Variants in FASN observed in about 807,000 individuals in gnomAD.
The protein encoded by FASN is 3-hydroxyacyl-[acyl-carrier-protein] dehydratase.
FASN carries 50 observed loss-of-function variants against 250.0 expected under a neutral mutation model. That is an observed-to-expected ratio of 0.20 (90% CI 0.16 to 0.25). The LOEUF (loss-of-function observed/expected upper bound fraction) is 0.25. Among genes scored for constraint, FASN ranks in the 10% least tolerant of loss-of-function variants. The probability of loss-of-function intolerance (pLI) is 1.00; values close to 1 mark genes in which losing one functional copy is unlikely to be tolerated. For missense variants in FASN, 3,031 were observed against 3,498.5 expected (o/e 0.87, Z 3.37); for synonymous variants, 1,909 against 1,584.0 (o/e 1.21, Z -4.87).
rs1396360653 is a variant in FASN, at chr17:82,082,558, C to G, written c.5888G>C (p.Gly1963Ala). The change falls in exon 34 of 43, where the codon GGG becomes GCG. Residue 1963 changes from glycine (G) to alanine (A), a missense_variant. Transcript: ENST00000306749. ...CAGGTTGAAGACGCCGCCCACGGGC[C>G]CAAGCTGCGCCGCCTCGGCAATGAG... is the stretch of plus-strand genomic sequence containing the variant. ...RGLIAEAAQL[G>A]PVGGVFNLAV... 1 of 1,608,866 alleles carries G rather than the reference C, an allele frequency of 6.2e-7. No homozygotes were observed. The highest frequency in any genetic ancestry group is 8.5e-7 in the Non-Finnish European group (1 of 1,179,812).
In FASN at chr17:82,081,067, G is replaced by A. The variant is rs978499505; in HGVS notation, c.6595+97C>T. ...GAACGCTCAGAATGGCACCCGTGAC[G>A]AAGGGCGGTATGCCTGCCGGGACAC... On this transcript the variant is annotated intron_variant, in intron 38 of 42. Transcript: ENST00000306749. 2.7e-6 allele frequency: 4 copies of A among 1,460,370 alleles called. No homozygotes were observed. In the African/African-American group the frequency reaches 4.2e-5, roughly 15 times the overall value. 90.5% of individuals were successfully genotyped at this position (1,460,370 alleles called of 1,614,324 possible).
rs375732222 is a variant in FASN, at chr17:82,095,344, T to C, written c.256A>G (p.Thr86Ala). The change falls in exon 3 of 43, where the codon ACC (threonine) becomes GCC (alanine). Residue 86 changes from threonine (T) to alanine (A), a missense_variant. By Grantham distance (58) the Thr-to-Ala change is moderately conservative. Coordinates refer to ENST00000306749, the MANE Select transcript of FASN (RefSeq NM_004104.5). ...DPQLRLLLEV[T>A]YEAIVDGGIN... The stretch of plus-strand genomic sequence containing the variant: ...CCTCCGTCCACGATGGCTTCATAGG[T>C]GACTTCCAGCAGCAGCCGCAGCTGA... 1.9e-5 allele frequency: 30 copies of C among 1,612,872 alleles called. No homozygotes were observed. The African/African-American group carries it at 2.4e-4, about 13-fold the overall frequency.
Position 82,086,339 on chromosome 17 carries a change from C to A in FASN, c.3647G>T (p.Ser1216Ile). The stretch of plus-strand genomic sequence containing the variant: ...GAGTGCCGGGGAGTCCAGGAGGCCG[C>A]TGAGCAGAGGGTCCTCTGGCAGCTT... ...RPKLPEDPLL[S>I]GLLDSPALKA... The change falls in exon 22 of 43, where the codon AGC (serine) becomes ATC (isoleucine). Residue 1216 changes from serine (S) to isoleucine (I), a missense_variant. Transcript: ENST00000306749. 6.2e-7 allele frequency: 1 copy of A among 1,606,950 alleles called. No homozygotes were observed. Among genetic ancestry groups the A allele is most frequent in the South Asian group, 1.1e-5 (1 of 90,718 alleles).
Position 82,088,988 on chromosome 17 carries a change from G to A in FASN, c.2285C>T (p.Ala762Val), listed in dbSNP as rs1301114571. 1.2e-6 allele frequency: 2 copies of A among 1,609,074 alleles called. No individual in the cohort carries two copies. The highest frequency in any genetic ancestry group is 1.7e-6 in the Non-Finnish European group (2 of 1,178,360). ...VPEHAVVLEI[A>V]PHALLQAVLK... Reference sequence around the variant, plus strand: ...GCCTACCTGCAGCAGGGCGTGGGGCGCGATCTCCAGCACCACCGCGTGCTC... The same window carrying A: ...GCCTACCTGCAGCAGGGCGTGGGGCACGATCTCCAGCACCACCGCGTGCTC... Residue 762 changes from alanine (A) to valine (V), a missense_variant, in exon 14 of 43, where the codon GCG becomes GTG. Physicochemically the swap from Ala to Val is moderately conservative, Grantham distance 64. Coordinates refer to ENST00000306749, the MANE Select transcript of FASN (RefSeq NM_004104.5).
At chr17:82,080,313 C>G in intron 40 of FASN, 57 bp downstream of exon 40, 1 of 1,610,956 alleles carries the variant, frequency 6.2e-7, no homozygotes, top group Non-Finnish European at 8.5e-7. Flanking sequence ...AAAGCCAGGG[C>G]ACAGGTGGGG....
At chr17:82,097,417 CTGATACGCGCG>C (rs1475499864) in intron 1 of FASN, 1 of 152,306 alleles carries the variant, frequency 6.6e-6, no homozygotes, top group East Asian at 1.9e-4. Flanking sequence ...GCCCCAGGGC[CTGATACGCGCG>C]CCGCCCCTCG....
In FASN at chr17:82,078,939, G is replaced by C. The variant is rs1053071381; in HGVS notation, c.*204C>G. 3.0e-6 allele frequency: 2 copies of C among 658,760 alleles called. No homozygotes were observed. Among genetic ancestry groups the C allele is most frequent in the Non-Finnish European group, 5.3e-6 (2 of 380,942 alleles). 40.8% of individuals were successfully genotyped at this position (658,760 alleles called of 1,614,324 possible). ...CAGACCAGGAGTCTCCAAGTCGGCA[G>C]CTCTGGTGTCCCCGAGGTGCCGTGG... On this transcript the variant is annotated 3_prime_UTR_variant, in exon 43 of 43. Transcript: ENST00000306749. The surrounding 1 kb of genome is among the most constrained non-coding windows in gnomAD (Gnocchi z 5.4).
In FASN at chr17:82,084,476, G is replaced by A. The variant is rs372405466; in HGVS notation, c.4768+37C>T. On this transcript the variant is annotated intron_variant, in intron 27 of 42. Transcript: ENST00000306749. ...CTAGCTGCTGGGGTCTCTGCTCCCC[G>A]GCCCAGTCCACTCCCACGGCCCCAT... The A allele has an allele frequency of 1.1e-3, 1,719 of 1,590,258 alleles. 2 individuals are homozygous for A. The highest frequency in any genetic ancestry group is 1.3e-3 in the Non-Finnish European group (1,554 of 1,169,162).
At position 82,087,779 on chromosome 17, in the gene FASN, G is replaced by A; in HGVS notation, c.2949C>T (p.Leu983=). The part of the protein sequence containing the change: ...ESPTPNPTEP[L]FLAQAEVYKE... ...TGTAAACTTCAGCCTGGGCCAGGAAGAGGGGCTCCGTGGGGTTGGGGGTGG... is the reference window on the plus strand; with the variant it reads ...TGTAAACTTCAGCCTGGGCCAGGAAAAGGGGCTCCGTGGGGTTGGGGGTGG... The change falls in exon 19 of 43, where the codon CTC becomes CTT. Residue 983 remains leucine, a synonymous_variant. Transcript: ENST00000306749. The A allele has an allele frequency of 2.5e-6, 4 of 1,612,642 alleles. No homozygotes were observed. The East Asian group carries it at 6.7e-5, about 27-fold the overall frequency.
chr17:82,088,346 T>C (rs2034142615), intron 16 of FASN, 39 bp from the exon 17 acceptor site: 3 of 1,610,592 alleles, frequency 1.9e-6, no homozygotes, highest in Admixed American at 3.3e-5. Flanking sequence ...AGCGGGCGTC[T>C]GTGGGGAGGG....
rs554298678 is a variant in FASN at position 82,092,327 on chromosome 17, G to T, written c.1029+128C>A. ...CTCAGACCTGCAGCATAGCCCGGGG[G>T]ACAGAGGCTCCTGGTGGGGAAGCCC... On this transcript the variant is annotated intron_variant, in intron 8 of 42. Coordinates refer to ENST00000306749, the MANE Select transcript of FASN (RefSeq NM_004104.5). 16 of 1,005,290 alleles carry T rather than the reference G, an allele frequency of 1.6e-5. No individual in the cohort carries two copies. The African/African-American group carries it at 2.1e-4, about 13-fold the overall frequency. The allele number at this position is 1,005,290 out of a possible 1,614,324, so 62.3% of individuals were successfully genotyped here. A position where few individuals can be genotyped will look rare whatever the true frequency, so the allele number is the denominator to read the frequency against.
intron 2 of FASN, 72 bp from the exon 3 acceptor site, chr17:82,095,544 G>A: frequency 6.4e-7 from 1 of 1,571,006 alleles, no homozygotes; most frequent in Non-Finnish European, 8.7e-7. Context: ...GGGTGCTGCA[G>A]GCCCCTGGAG....
intron 10 of FASN, 68 bp from the exon 11 acceptor site, chr17:82,090,632 C>G: frequency 7.0e-7 from 1 of 1,419,604 alleles, no homozygotes; most frequent in Non-Finnish European, 9.8e-7. Flanking sequence ...CGGCCCCCGG[C>G]CCCACTAGGC....
Position 82,082,941 on chromosome 17 carries a change from A to G in FASN, c.5740T>C (p.Leu1914=), listed in dbSNP as rs375623611. The change falls in exon 33 of 43, where the codon TTG becomes CTG. Residue 1914 remains leucine (L), a synonymous_variant. Transcript: ENST00000306749. The part of the protein sequence containing the change: ...LIQRGVQKLV[L]TSRSGIRTGY... Reference sequence around the variant, plus strand: ...GTCCGGATCCCGGAGCGAGAAGTCAACACGAGCTTCTGCACCCCACGCTGT... The same window carrying G: ...GTCCGGATCCCGGAGCGAGAAGTCAGCACGAGCTTCTGCACCCCACGCTGT... 7.4e-6 allele frequency: 12 copies of G among 1,612,668 alleles called. No individual in the cohort carries two copies. In the African/African-American group the frequency reaches 1.2e-4, roughly 16 times the overall value.
chr17:82,091,427 G>A lies in FASN; in HGVS notation c.1287C>T (p.Arg429=). The change falls in exon 9 of 43, where the codon CGC becomes CGT. Residue 429 remains arginine (R), a synonymous_variant. Coordinates refer to ENST00000306749, the MANE Select transcript of FASN (RefSeq NM_004104.5). ...GCAGCTTCTGCACGGCCTCAGGGGT[G>A]CGTCCGCTGGCCCGCAGCAGACGGG... ...TLPRLLRASG[R]TPEAVQKLLE... 6.2e-7 allele frequency: 1 copy of A among 1,608,138 alleles called. No individual in the cohort carries two copies. Among genetic ancestry groups the A allele is most frequent in the Non-Finnish European group, 8.5e-7 (1 of 1,177,916 alleles).
Position 82,080,932 on chromosome 17 carries a change from C to A in FASN, c.6596-10G>T. ...GTGGGGCATGCCAGCTCTGTGAAGA[C>A]AGGGGCAGATGCCAGGCTGGTCTGG... On this transcript the variant is annotated splice_polypyrimidine_tract_variant and intron_variant, in intron 38 of 42. Transcript: ENST00000306749. 1 of 1,598,390 alleles carries A rather than the reference C, an allele frequency of 6.3e-7. No individual in the cohort carries two copies. The highest frequency in any genetic ancestry group is 8.5e-7 in the Non-Finnish European group (1 of 1,173,164).
At chr17:82,080,948 GC>G (rs1212555540) in intron 38 of FASN, 26 bp from the exon 39 acceptor site, 1 of 1,572,912 alleles carries the variant, frequency 6.4e-7, no homozygotes, top group Admixed American at 1.8e-5. Context: ...CAGATGCCAG[GC>G]TGGTCTGGGT....
chr17:82,098,150 G>A lies in FASN; in HGVS notation c.-37C>T. ...TGAGGGCGCGGGCGGCGGTGCGGGC[G>A]GCGGAGAGCGAGGCTGGAGCGCGGC... On this transcript the variant is annotated 5_prime_UTR_variant, in exon 1 of 43. Transcript: ENST00000306749. 5.6e-6 allele frequency: 2 copies of A among 354,970 alleles called. No homozygotes were observed. The highest frequency in any genetic ancestry group is 1.0e-5 in the Non-Finnish European group (2 of 197,818). The allele number at this position is 354,970 out of a possible 1,614,324, so 22.0% of individuals were successfully genotyped here.
rs752553190 is a variant in FASN, at chr17:82,084,596, T to G, written c.4685A>C (p.Gln1562Pro). ...GGAGGCGTAGTAGACCGTGCAGAGC[T>G]GGGCGCCAGGGCAGGTGGGCTGGGC... is the stretch of plus-strand genomic sequence containing the variant. ...RHAQPTCPGAQLCTVYYASLN... is the reference protein window; with the variant it reads ...RHAQPTCPGAPLCTVYYASLN... The change falls in exon 27 of 43, where the codon CAG (glutamine) becomes CCG (proline). Residue 1562 changes from glutamine (Q) to proline (P), a missense_variant. Gln to Pro is a moderately conservative substitution (Grantham distance 76, BLOSUM62 -1). Coordinates refer to ENST00000306749, the MANE Select transcript of FASN (RefSeq NM_004104.5). 1 of 1,610,302 alleles carries G rather than the reference T, an allele frequency of 6.2e-7. No individual in the cohort carries two copies. The highest frequency in any genetic ancestry group is 1.7e-5 in the Admixed American group (1 of 59,630).
Sources: gnomAD v4.1 joint callset for allele counts on GRCh38, gnomAD v4.1.1 for gene constraint, Gnocchi (gnomAD v3.1) non-coding constraint, MANE v1.5 for transcripts, NCBI Gene and HGNC (gene_info 2026-07-23, HGNC 2026-07-21) for gene names.